USP18: variants seen among roughly 807,000 people sequenced by gnomAD.
USP18 encodes ubiquitin specific peptidase 18, also known as ubl carboxyl-terminal hydrolase 18.
Under a neutral mutation model 48.7 loss-of-function variants are expected in USP18, and 11 were observed. The observed-to-expected ratio is 0.23, with a 90% CI of 0.14 to 0.37. The LOEUF (loss-of-function observed/expected upper bound fraction) is 0.37. Among genes scored for constraint, USP18 ranks in the 10% least tolerant of loss-of-function variants. The pLI, the probability that USP18 is intolerant of heterozygous loss-of-function variation, is 1.00. For synonymous variants in USP18, 114 were observed against 163.2 expected (o/e 0.70, Z 2.30); for missense variants, 285 against 436.4 (o/e 0.65, Z 3.09).
At chr22:18,158,803 C>T (rs1269698209) in intron 2 of USP18, among the ~76,000 whole-genome samples, 5 of 152,176 alleles carry the variant, frequency 3.3e-5, no homozygotes, top group East Asian at 1.9e-4. Context: ...GAGACCTCTC[C>T]GCTGGACTCC....
chr22:18,163,990 C>G (rs1929402871), intron 4 of USP18, among the ~76,000 whole-genome samples: 2 of 152,242 alleles, frequency 1.3e-5, no homozygotes, highest in African/African-American at 4.8e-5. Flanking sequence ...AAACGCTGGA[C>G]AGAGGATCTG....
In USP18 at chr22:18,157,765, C is replaced by T; in HGVS notation, c.102C>T (p.Ser34=). 1 of 1,614,130 alleles carries T rather than the reference C, an allele frequency of 6.2e-7. No homozygotes were observed. Residue 34 remains serine (S), a synonymous_variant, in exon 2 of 11, where the codon AGC becomes AGT. Coordinates refer to ENST00000215794, the MANE Select transcript of USP18 (RefSeq NM_017414.4). ...TTGAAGAAAAGAAGGAAGAAGACAG[C>T]AACATGAAGAGAGAGCAGCCCAGAG... is the stretch of plus-strand genomic sequence containing the variant. ...ADLEEKKEED[S]NMKREQPRER... is the part of the protein sequence containing the mutation.
intron 1 of USP18, among the ~76,000 whole-genome samples, chr22:18,151,093 G>A (rs5993016): frequency 0.4 from 60,291 of 151,970 alleles, 13,044 homozygotes; most frequent in African/African-American, 0.56. Flanking sequence ...CAAATATATC[G>A]GTGGAAAATT....
chr22:18,169,515 G>C (rs563679486), intron 6 of USP18, among the ~76,000 whole-genome samples: 24 of 152,242 alleles, frequency 1.6e-4, no homozygotes, highest in Admixed American at 1.4e-3. Context: ...GGCGGAGATT[G>C]CGGTGAACTG....
intron 4 of USP18, among the ~76,000 whole-genome samples, chr22:18,166,447 T>C (rs1313826785): frequency 6.6e-6 from 1 of 152,216 alleles, no homozygotes; most frequent in Non-Finnish European, 1.5e-5. Context: ...AGTGAAAGGT[T>C]CTACGATTGC....
chr22:18,172,895 C>T (rs1004639771), intron 8 of USP18, among the ~76,000 whole-genome samples: 16 of 147,578 alleles, frequency 1.1e-4, no homozygotes, highest in African/African-American at 3.8e-4. Context: ...CTAATCTTGC[C>T]TTGGCTTTGG....
At chr22:18,160,294 G>A (rs1321970190) in intron 3 of USP18, 26 bp downstream of exon 3, 1 of 1,612,440 alleles carries the variant, frequency 6.2e-7, no homozygotes, top group Non-Finnish European at 8.5e-7. Context: ...AGGCTGATGA[G>A]CATTTGTATT....
In USP18 at chr22:18,155,466, C is replaced by T. The variant is rs563386675; in HGVS notation, c.-106-2092C>T. Among the ~76,000 whole-genome samples the T allele has an allele frequency of 2.6e-5, 4 of 152,326 alleles. No homozygotes were observed. The South Asian group carries it at 8.3e-4, about 32-fold the overall frequency. On this transcript the variant is annotated intron_variant, in intron 1 of 10. Transcript: ENST00000215794. Reference sequence around the variant, plus strand: ...CAGCCCACCGCTGCACTGTGGGAGCCCCTTCCTGGGCTGGCCGAGGCTGGA... The same window carrying T: ...CAGCCCACCGCTGCACTGTGGGAGCTCCTTCCTGGGCTGGCCGAGGCTGGA...
At chr22:18,159,821 G>A (rs1333680405) in intron 2 of USP18, among the ~76,000 whole-genome samples, 3 of 151,714 alleles carry the variant, frequency 2.0e-5, no homozygotes, top group African/African-American at 7.3e-5. Context: ...GACTACAGGC[G>A]CCCACCACCA....
chr22:18,161,881 A>G lies in USP18; in HGVS notation c.346A>G (p.Lys116Glu). 1 of 1,614,082 alleles carries G rather than the reference A, an allele frequency of 6.2e-7. No individual in the cohort carries two copies. Among genetic ancestry groups the G allele is most frequent in the African/African-American group, 1.3e-5 (1 of 74,994 alleles). Residue 116 changes from lysine (K) to glutamate (E), a missense_variant, in exon 4 of 11, where the codon AAA (lysine) becomes GAA (glutamate). Physicochemically the swap from Lys to Glu is moderately conservative, Grantham distance 56 (BLOSUM62 1). Transcript: ENST00000215794. ...GGAGAAGATGCAGGACAGCCGGCAG[A>G]AAGCAGTGCGGCCCCTGGAGCTGGC... Reference protein sequence around the residue: ...LLEKMQDSRQKAVRPLELAYC... With the variant: ...LLEKMQDSRQEAVRPLELAYC...
At chr22:18,162,682 G>A (rs1388743399) in intron 4 of USP18, among the ~76,000 whole-genome samples, 1 of 151,244 alleles carries the variant, frequency 6.6e-6, no homozygotes, top group African/African-American at 2.4e-5. Flanking sequence ...ACAGGGATAC[G>A]TTCTGAAAAT....
rs970344727 is a variant in USP18 at position 18,174,235 on chromosome 22, T to C, written c.1073+393T>C. On this transcript the variant is annotated intron_variant, in intron 10 of 10. Transcript: ENST00000215794. ...ATGGTTTTCTTTTCTTTTCTTTTCT[T>C]TTTTTTTTTTTGACGGAGTCTCGCT... Among the ~76,000 whole-genome samples, 11 of 148,728 alleles carry C rather than the reference T, an allele frequency of 7.4e-5. 1 individual carries two copies. Among genetic ancestry groups the C allele is most frequent in the African/African-American group, 2.5e-4 (10 of 40,620 alleles).
chr22:18,163,398 C>T (rs1210449191), intron 4 of USP18, among the ~76,000 whole-genome samples: 1 of 152,076 alleles, frequency 6.6e-6, no homozygotes, highest in East Asian at 1.9e-4. Flanking sequence ...AATCCCAGCA[C>T]TTTGGGAGGC....
chr22:18,158,676 G>A (rs2543715), intron 2 of USP18, among the ~76,000 whole-genome samples: 40,457 of 152,020 alleles, frequency 0.27, 6,625 homozygotes, highest in East Asian at 0.63. Context: ...TGTTTTTCTC[G>A]TATTCTTATA....
intron 1 of USP18, among the ~76,000 whole-genome samples, chr22:18,155,615 G>A (rs1159819365): frequency 6.6e-6 from 1 of 151,754 alleles, no homozygotes; most frequent in South Asian, 2.1e-4. Flanking sequence ...GCCCGCACTC[G>A]GAGCGGCCAG....
At chr22:18,173,679 G>A in intron 9 of USP18, 114 bp from the exon 10 acceptor site, 3 of 1,467,004 alleles carry the variant, frequency 2.0e-6, no homozygotes, top group Non-Finnish European at 2.8e-6. Flanking sequence ...CCAGGCTCTT[G>A]GGAGTTGCTA....
intron 1 of USP18, among the ~76,000 whole-genome samples, chr22:18,150,819 G>T (rs1928978468): frequency 6.6e-6 from 1 of 152,224 alleles, no homozygotes; most frequent in Non-Finnish European, 1.5e-5. Flanking sequence ...TGGCGTGGTG[G>T]CGCATGCCTG....
intron 1 of USP18, 42 bp from the exon 2 acceptor site, chr22:18,157,516 C>T (rs1028984282): frequency 9.9e-7 from 1 of 1,011,092 alleles, no homozygotes; most frequent in Non-Finnish European, 1.5e-6. Flanking sequence ...ATACACATTC[C>T]TCCTTCTCTA....
rs1223362475 is a variant in USP18, at chr22:18,157,595, G to A, written c.-69G>A. On this transcript the variant is annotated 5_prime_UTR_variant, in exon 2 of 11. Transcript: ENST00000215794. ...GCCTGGCTCACATAAGCGCTTCCTG[G>A]AAGTGAAGTCGTGCTGTCCTGAACG... 6.3e-7 allele frequency: 1 copy of A among 1,591,228 alleles called. No individual in the cohort carries two copies. The highest frequency in any genetic ancestry group is 1.4e-5 in the African/African-American group (1 of 73,896).
Sources: allele counts gnomAD v4.1 joint callset (sites outside exome capture counted in the v4.1 genomes callset), GRCh38; gene constraint gnomAD v4.1.1; transcripts MANE v1.5; gene names NCBI Gene and HGNC (gene_info 2026-07-23, HGNC 2026-07-21).